The following SLC7A6 variants were observed in gnomAD, a reference collection of about 807,000 sequenced individuals.
SLC7A6 encodes Y+L amino acid transporter 2.
Under a neutral mutation model 46.6 loss-of-function variants are expected in SLC7A6, and 29 were observed. The ratio of observed to expected loss-of-function variants is 0.62; its 90% CI spans 0.46 to 0.85. The LOEUF is 0.85. Among genes scored for constraint, SLC7A6 ranks in the 40% least tolerant of loss-of-function variants. SLC7A6 has a pLI of 0.00. For synonymous variants in SLC7A6, 276 were observed against 257.3 expected (o/e 1.07, Z -0.70); for missense variants, 527 against 647.6 (o/e 0.81, Z 2.02).
chr16:68,289,838 G>A (rs1054700671), intron 4 of SLC7A6, among the ~76,000 whole-genome samples: 1 of 152,152 alleles, frequency 6.6e-6, no homozygotes, highest in Non-Finnish European at 1.5e-5. Flanking sequence ...CATAGCTACC[G>A]CAAGTAGAGC....
In SLC7A6 at chr16:68,291,311, T is replaced by G; in HGVS notation, c.897T>G (p.Leu299=). ...CAGTGCTGAACATTTCAGATGTCCT[T>G]AGCAGTGATGCTGTGGCTGTGGTGA... The part of the protein sequence containing the change: ...YYTVLNISDV[L]SSDAVAVTFA... Residue 299 remains leucine, a synonymous_variant, in exon 6 of 11, where the codon CTT becomes CTG. Transcript: ENST00000219343. 1 of 1,614,184 alleles carries G rather than the reference T, an allele frequency of 6.2e-7. No individual in the cohort carries two copies. The highest frequency in any genetic ancestry group is 8.5e-7 in the Non-Finnish European group (1 of 1,180,018).
chr16:68,296,705 A>C lies in SLC7A6; in HGVS notation c.1348A>C (p.Asn450His). ...AGTGCCCCTCTTCACTGACACCATTAATTCCCTCATTGGCATCGGGATTGC... is the reference window on the plus strand; with the variant it reads ...AGTGCCCCTCTTCACTGACACCATTCATTCCCTCATTGGCATCGGGATTGC... ...VIVPLFTDTI[N>H]SLIGIGIALS... Residue 450 changes from asparagine to histidine, a missense_variant, in exon 10 of 11, where the codon AAT becomes CAT. Physicochemically the swap from Asn to His is moderately conservative, Grantham distance 68 (BLOSUM62 1). Coordinates refer to ENST00000219343, the MANE Select transcript of SLC7A6 (RefSeq NM_003983.6). 6.2e-7 allele frequency: 1 copy of C among 1,614,126 alleles called. No individual in the cohort carries two copies. Among genetic ancestry groups the C allele is most frequent in the Non-Finnish European group, 8.5e-7 (1 of 1,180,008 alleles).
intron 2 of SLC7A6, among the ~76,000 whole-genome samples, chr16:68,269,065 C>T (rs1455708258): frequency 6.6e-6 from 1 of 151,982 alleles, no homozygotes; most frequent in Admixed American, 6.6e-5. Flanking sequence ...TTGATATTGC[C>T]CCACAGGTTG....
intron 1 of SLC7A6, among the ~76,000 whole-genome samples, chr16:68,266,046 GT>G (rs2042527061): frequency 1.3e-5 from 2 of 152,136 alleles, no homozygotes; most frequent in African/African-American, 4.8e-5. Flanking sequence ...GGATCACGGG[GT>G]CAGGAGATCG....
In SLC7A6 at chr16:68,301,318, T is replaced by G. The variant is rs2151238169; in HGVS notation, c.*3990T>G. ...GTGGGGGCTGTCATAGCCGAACTCC[T>G]TCTGCACATCCAGAGGGTACTTGCT... On this transcript the variant is annotated 3_prime_UTR_variant, in exon 11 of 11. Coordinates refer to ENST00000219343, the MANE Select transcript of SLC7A6 (RefSeq NM_003983.6). 6.2e-7 allele frequency: 1 copy of G among 1,614,124 alleles called. No homozygotes were observed. The highest frequency in any genetic ancestry group is 2.2e-5 in the East Asian group (1 of 44,872).
At chr16:68,287,209 C>A in intron 3 of SLC7A6, 1 of 719,680 alleles carries the variant, frequency 1.4e-6, no homozygotes. Flanking sequence ...AACTCCTGGG[C>A]TCACATGATC....
chr16:68,283,622 C>G (rs1052170305), intron 3 of SLC7A6, among the ~76,000 whole-genome samples: 14 of 146,718 alleles, frequency 9.5e-5, no homozygotes, highest in African/African-American at 3.1e-4. Flanking sequence ...CTAGCCATGT[C>G]TGCCACAGAG....
chr16:68,283,547 AGCCAT>A, intron 3 of SLC7A6, among the ~76,000 whole-genome samples: 1 of 152,208 alleles, frequency 6.6e-6, no homozygotes, highest in Non-Finnish European at 1.5e-5. Context: ...TATTTTGGAC[AGCCAT>A]GCCTTCAGCT....
At position 68,300,455 on chromosome 16, in the gene SLC7A6, AG is replaced by A; in HGVS notation, c.*3128del. The A allele has an allele frequency of 4.8e-6, 1 of 208,598 alleles. No homozygotes were observed. Among genetic ancestry groups the A allele is most frequent in the Non-Finnish European group, 8.3e-6 (1 of 119,806 alleles). 12.9% of individuals were successfully genotyped at this position (208,598 alleles called of 1,614,324 possible). A position where few individuals can be genotyped will look rare whatever the true frequency, so the allele number is the denominator to read the frequency against. ...TGTTTTTGTGGTGGGTGCTGTGAAG[AG>A]TAAACATTACTCAGTGGAAAGCTAA... On this transcript the variant is annotated 3_prime_UTR_variant, in exon 11 of 11. Coordinates refer to ENST00000219343, the MANE Select transcript of SLC7A6 (RefSeq NM_003983.6).
chr16:68,300,581 T>C lies in SLC7A6; in HGVS notation c.*3253T>C, dbSNP rs1012003732. On this transcript the variant is annotated 3_prime_UTR_variant, in exon 11 of 11. Coordinates refer to ENST00000219343, the MANE Select transcript of SLC7A6 (RefSeq NM_003983.6). ...TCACTACCGCTCCCTGTTTTAGATA[T>C]TCAGATTTAAAAGGTTTTCAAAGAA... is the stretch of plus-strand genomic sequence containing the variant. The C allele has an allele frequency of 1.0e-6, 1 of 974,458 alleles. No homozygotes were observed. The allele number at this position is 974,458 out of a possible 1,614,324, so 60.4% of individuals were successfully genotyped here.
Position 68,301,499 on chromosome 16 carries a change from C to A in SLC7A6, c.*4171C>A. On this transcript the variant is annotated 3_prime_UTR_variant, in exon 11 of 11. Coordinates refer to ENST00000219343, the MANE Select transcript of SLC7A6 (RefSeq NM_003983.6). Reference sequence around the variant, plus strand: ...TCTCAGAAAGGTCTGTTTTTGTTCCCGATTGTAATGCAAAATCCTTGCTCA... The same window carrying A: ...TCTCAGAAAGGTCTGTTTTTGTTCCAGATTGTAATGCAAAATCCTTGCTCA... The A allele has an allele frequency of 9.6e-7, 1 of 1,038,702 alleles. No homozygotes were observed. Among genetic ancestry groups the A allele is most frequent in the Non-Finnish European group, 1.4e-6 (1 of 726,402 alleles). The allele number at this position is 1,038,702 out of a possible 1,614,324, so 64.3% of individuals were successfully genotyped here.
chr16:68,294,420 G>A (rs1421789136), intron 7 of SLC7A6, among the ~76,000 whole-genome samples: 1 of 152,176 alleles, frequency 6.6e-6, no homozygotes, highest in Admixed American at 6.5e-5. Context: ...TCTGTTGGAT[G>A]TTGGTGAGGT....
chr16:68,282,916 C>G (rs1285833812), intron 3 of SLC7A6, among the ~76,000 whole-genome samples: 1 of 152,226 alleles, frequency 6.6e-6, no homozygotes, highest in Non-Finnish European at 1.5e-5. Flanking sequence ...CTGCGCCCGG[C>G]CTTTCTTCCA....
At chr16:68,270,466 C>T (rs907448001) in intron 2 of SLC7A6, among the ~76,000 whole-genome samples, 1 of 152,094 alleles carries the variant, frequency 6.6e-6, no homozygotes, top group African/African-American at 2.4e-5. Context: ...ATTTTCCCTC[C>T]CATAAGCCAG....
chr16:68,286,702 C>T (rs34150778), intron 3 of SLC7A6, among the ~76,000 whole-genome samples: 239 of 152,316 alleles, frequency 1.6e-3, no homozygotes, highest in Non-Finnish European at 2.7e-3. Flanking sequence ...GCCCAGATGT[C>T]ACTGAAGTGT....
At chr16:68,291,753 G>A in intron 7 of SLC7A6, 92 bp downstream of exon 7, 1 of 945,840 alleles carries the variant, frequency 1.1e-6, no homozygotes, top group African/African-American at 1.7e-5. Context: ...CCTTCTCATG[G>A]GCATATAGGG....
chr16:68,293,950 T>G (rs2043109274), intron 7 of SLC7A6, among the ~76,000 whole-genome samples: 1 of 152,180 alleles, frequency 6.6e-6, no homozygotes, highest in African/African-American at 2.4e-5. Context: ...CAGGCTGGAG[T>G]GCAATGGTGC....
At chr16:68,293,013 A>C (rs1376758775) in intron 7 of SLC7A6, among the ~76,000 whole-genome samples, 1 of 152,220 alleles carries the variant, frequency 6.6e-6, no homozygotes, top group Non-Finnish European at 1.5e-5. Flanking sequence ...ATGAAAAATA[A>C]GAGAGAGTTT....
Position 68,301,333 on chromosome 16 carries a change from G to T in SLC7A6, c.*4005G>T, listed in dbSNP as rs1276565187. On this transcript the variant is annotated 3_prime_UTR_variant, in exon 11 of 11. Coordinates refer to ENST00000219343, the MANE Select transcript of SLC7A6 (RefSeq NM_003983.6). ...GCCGAACTCCTTCTGCACATCCAGA[G>T]GGTACTTGCTCCACATCCGCTGTCT... 1 of 1,614,146 alleles carries T rather than the reference G, an allele frequency of 6.2e-7. No individual in the cohort carries two copies. The highest frequency in any genetic ancestry group is 1.1e-5 in the South Asian group (1 of 91,082).
Sources: allele counts gnomAD v4.1 joint callset (sites outside exome capture counted in the v4.1 genomes callset), GRCh38; gene constraint gnomAD v4.1.1; transcripts MANE v1.5; gene names NCBI Gene and HGNC (gene_info 2026-07-23, HGNC 2026-07-21).